Variants in PHACTR1 observed in about 807,000 individuals in gnomAD.
PHACTR1 encodes the protein RPEL repeat containing 1.
In PHACTR1, 16 loss-of-function variants were observed where a neutral mutation model predicts 69.2. The ratio of observed to expected loss-of-function variants is 0.23; its 90% CI spans 0.16 to 0.35. PHACTR1 has a LOEUF of 0.35. PHACTR1 is among the 10% of genes least tolerant of loss of function. The pLI, the probability that PHACTR1 is intolerant of heterozygous loss-of-function variation, is 1.00. For missense variants in PHACTR1, 510 were observed against 734.7 expected (o/e 0.69, Z 3.54); for synonymous variants, 312 against 284.5 (o/e 1.10, Z -0.97).
At chr6:13,023,359 A>G (rs538089132) in intron 4 of PHACTR1, among the ~76,000 whole-genome samples, 7 of 152,332 alleles carry the variant, frequency 4.6e-5, no homozygotes, top group Admixed American at 6.5e-5. Context: ...TCCCCACCTA[A>G]GAGTTAATCA....
At chr6:12,803,677 A>C (rs1294114826) in intron 4 of PHACTR1, among the ~76,000 whole-genome samples, 1 of 152,154 alleles carries the variant, frequency 6.6e-6, no homozygotes, top group Non-Finnish European at 1.5e-5. Flanking sequence ...TGTAATCTAG[A>C]GTTTCTCAAC....
At chr6:12,718,085 A>G (rs1761619753) in intron 2 of PHACTR1, among the ~76,000 whole-genome samples, 1 of 152,220 alleles carries the variant, frequency 6.6e-6, no homozygotes, top group South Asian at 2.1e-4. Context: ...TTGCTGCTCT[A>G]CAAACCACAA....
chr6:13,225,379 C>A (rs1350780932), intron 8 of PHACTR1, among the ~76,000 whole-genome samples: 1 of 152,188 alleles, frequency 6.6e-6, no homozygotes, highest in Non-Finnish European at 1.5e-5. Context: ...AGTGCCCCAA[C>A]AGGCAGTCAT....
chr6:13,003,952 T>TATATATATATATAC (rs1798422245), intron 4 of PHACTR1, among the ~76,000 whole-genome samples: 2 of 100,276 alleles, frequency 2.0e-5, no homozygotes, highest in African/African-American at 1.4e-4. Flanking sequence ...GTAGTATTCC[T>TATATATATATATAC]ATATATATAT....
chr6:13,121,337 T>G (rs1270451369), intron 5 of PHACTR1, among the ~76,000 whole-genome samples: 1 of 152,132 alleles, frequency 6.6e-6, no homozygotes, highest in African/African-American at 2.4e-5. Flanking sequence ...ACTTAATAGC[T>G]AGGTGACCTT....
rs771886385 is a variant in PHACTR1, at chr6:13,030,183, G to T, written c.251-23182G>T. ...CTTCTTTATTTTCATTGTATTAAAC[G>T]CATTCACACTGAATTCATGCTTGTG... On this transcript the variant is annotated intron_variant, in intron 4 of 14. Coordinates refer to ENST00000332995, the MANE Select transcript of PHACTR1 (RefSeq NM_030948.6). Among the ~76,000 whole-genome samples, 4 of 151,872 alleles carry T rather than the reference G, an allele frequency of 2.6e-5. No homozygotes were observed. The East Asian group carries it at 7.7e-4, about 29-fold the overall frequency.
At chr6:13,196,194 A>T (rs1764386898) in intron 7 of PHACTR1, among the ~76,000 whole-genome samples, 1 of 152,164 alleles carries the variant, frequency 6.6e-6, no homozygotes, top group African/African-American at 2.4e-5. Context: ...TCCAACAATT[A>T]ATAAATATCA....
intron 10 of PHACTR1, among the ~76,000 whole-genome samples, chr6:13,238,688 G>A (rs545928754): frequency 2.0e-5 from 3 of 152,186 alleles, no homozygotes; most frequent in East Asian, 1.9e-4. Flanking sequence ...AAATTGGTGC[G>A]GTGAGTCTGA....
intron 7 of PHACTR1, among the ~76,000 whole-genome samples, chr6:13,185,529 T>G (rs1762726618): frequency 6.6e-6 from 1 of 152,106 alleles, no homozygotes; most frequent in Admixed American, 6.5e-5. Context: ...AAGAGTAAGC[T>G]TAGCAATGTT....
chr6:13,267,571 CA>C (rs889150511), intron 10 of PHACTR1: 3 of 151,930 alleles, frequency 2.0e-5, no homozygotes, highest in Admixed American at 1.3e-4. Context: ...AAGTCACGCC[CA>C]ACTTGCTTGT....
intron 3 of PHACTR1, among the ~76,000 whole-genome samples, chr6:12,729,944 C>T (rs1018011262): frequency 4.6e-5 from 7 of 152,130 alleles, no homozygotes; most frequent in South Asian, 2.1e-4. Context: ...TGGGCCTGCT[C>T]GGTGAATGAT....
At chr6:13,149,221 AG>A (rs1823920323) in intron 5 of PHACTR1, among the ~76,000 whole-genome samples, 1 of 152,156 alleles carries the variant, frequency 6.6e-6, no homozygotes, top group South Asian at 2.1e-4. Flanking sequence ...TCAGAGCACC[AG>A]CCCCATGGTA....
intron 4 of PHACTR1, among the ~76,000 whole-genome samples, chr6:12,965,969 C>T (rs963471167): frequency 6.6e-6 from 1 of 152,084 alleles, no homozygotes; most frequent in African/African-American, 2.4e-5. Flanking sequence ...TTTCTAAAGA[C>T]ATTAAAGGGC....
intron 4 of PHACTR1, among the ~76,000 whole-genome samples, chr6:12,990,272 C>T (rs895356783): frequency 2.0e-5 from 3 of 152,180 alleles, no homozygotes; most frequent in African/African-American, 7.2e-5. Flanking sequence ...CAATACCATT[C>T]CACCCACCCC....
intron 4 of PHACTR1, among the ~76,000 whole-genome samples, chr6:12,930,088 G>A (rs985621007): frequency 6.6e-6 from 1 of 151,316 alleles, no homozygotes; most frequent in Non-Finnish European, 1.5e-5. Context: ...TGTCACCCAG[G>A]CTGGAGTGAA....
rs186342534 is a variant in PHACTR1 at position 13,189,373 on chromosome 6, A to G, written c.664+6687A>G. ...TCATTTATAACCATTTGTTTATAGT[A>G]TCTCCACCAAAATTCCCACCCCCCC... On this transcript the variant is annotated intron_variant, in intron 7 of 14. Transcript: ENST00000332995. 1.6e-4 allele frequency among the ~76,000 whole-genome samples: 24 copies of G among 151,946 alleles called. No individual in the cohort carries two copies. The East Asian group carries it at 3.5e-3, about 22-fold the overall frequency.
chr6:13,241,738 T>G (rs1192590078), intron 10 of PHACTR1, among the ~76,000 whole-genome samples: 1 of 152,030 alleles, frequency 6.6e-6, no homozygotes, highest in Non-Finnish European at 1.5e-5. Flanking sequence ...GAAAAAGTAA[T>G]GCTGGGTGGG....
intron 5 of PHACTR1, among the ~76,000 whole-genome samples, chr6:13,061,208 A>G (rs958589275): frequency 2.6e-5 from 4 of 152,164 alleles, no homozygotes; most frequent in African/African-American, 4.8e-5. Flanking sequence ...GGGACCACCT[A>G]TATATCCAGG....
At chr6:12,872,788 C>T (rs900970304) in intron 4 of PHACTR1, among the ~76,000 whole-genome samples, 2 of 152,146 alleles carry the variant, frequency 1.3e-5, no homozygotes, top group African/African-American at 4.8e-5. Context: ...CTCAAGGGGG[C>T]AGGACCCAAA....
Sources: gnomAD v4.1 joint callset for allele counts (sites outside exome capture counted in the v4.1 genomes callset) on GRCh38, gnomAD v4.1.1 for gene constraint, MANE v1.5 for transcripts, NCBI Gene and HGNC (gene_info 2026-07-23, HGNC 2026-07-21) for gene names.